The following RNLS variants were observed in gnomAD, a reference collection of about 807,000 sequenced individuals.
RNLS encodes the protein renalase, FAD dependent amine oxidase.
A neutral mutation model predicts 39.8 loss-of-function variants in RNLS; 39 were observed. That is an observed-to-expected ratio of 0.98 (90% CI 0.76 to 1.28). RNLS has a LOEUF of 1.28. RNLS is among the 50% of genes most tolerant of loss of function. The probability of loss-of-function intolerance (pLI) is 0.00; values close to 1 mark genes in which losing one functional copy is unlikely to be tolerated. For missense variants in RNLS, 410 were observed against 413.3 expected (o/e 0.99, Z 0.07); for synonymous variants, 147 against 150.7 (o/e 0.98, Z 0.18).
At chr10:88,506,236 T>C (rs1036920329) in intron 4 of RNLS, among the ~76,000 whole-genome samples, 13 of 152,180 alleles carry the variant, frequency 8.5e-5, no homozygotes, top group African/African-American at 2.6e-4. Flanking sequence ...AAACTTTAGA[T>C]TAAACTAAAA....
At chr10:88,409,370 G>A (rs1363583774) in intron 4 of RNLS, among the ~76,000 whole-genome samples, 5 of 152,066 alleles carry the variant, frequency 3.3e-5, no homozygotes, top group Middle Eastern at 3.2e-3. Flanking sequence ...AAGCACATAC[G>A]CTAATATTAG....
At chr10:88,423,372 G>C (rs1854525134) in intron 4 of RNLS, among the ~76,000 whole-genome samples, 1 of 152,138 alleles carries the variant, frequency 6.6e-6, no homozygotes. Flanking sequence ...TTTATTAATA[G>C]ACACTGTTGT....
At chr10:88,565,013 A>T (rs145246324) in intron 4 of RNLS, among the ~76,000 whole-genome samples, 83 of 152,278 alleles carry the variant, frequency 5.5e-4, no homozygotes, top group Non-Finnish European at 9.6e-4. Flanking sequence ...GAGAATGAGA[A>T]TGAGAAGAAA....
At chr10:88,349,087 G>A (rs375104147) in intron 5 of RNLS, among the ~76,000 whole-genome samples, 2 of 152,276 alleles carry the variant, frequency 1.3e-5, no homozygotes, top group East Asian at 3.9e-4. Flanking sequence ...CTGGCACACA[G>A]AAGGAATTCA....
intron 3 of RNLS, among the ~76,000 whole-genome samples, chr10:88,574,455 A>G (rs1359399639): frequency 1.3e-5 from 2 of 152,168 alleles, no homozygotes; most frequent in African/African-American, 4.8e-5. Context: ...ATATTCTTCA[A>G]CCATCACTGC....
At chr10:88,394,999 C>T (rs1371896229) in intron 4 of RNLS, among the ~76,000 whole-genome samples, 2 of 151,722 alleles carry the variant, frequency 1.3e-5, no homozygotes, top group Non-Finnish European at 2.9e-5. Flanking sequence ...ACAATGAGAA[C>T]ACATGTACAC....
At chr10:88,275,145 G>T in intron 6 of RNLS, 2 of 772,066 alleles carry the variant, frequency 2.6e-6, no homozygotes, top group Non-Finnish European at 2.2e-6. Context: ...TATAGACCTG[G>T]AATGGGGAGG....
intron 6 of RNLS, chr10:88,275,178 T>C (rs528182820): frequency 7.4e-4 from 404 of 548,120 alleles, no homozygotes; most frequent in Non-Finnish European, 2.6e-4. Flanking sequence ...TAGGTGGTCT[T>C]GCTAACTTTT....
intron 4 of RNLS, among the ~76,000 whole-genome samples, chr10:88,485,704 A>G (rs1844461462): frequency 6.6e-6 from 1 of 151,626 alleles, no homozygotes; most frequent in Non-Finnish European, 1.5e-5. Flanking sequence ...TTACTGCTCT[A>G]ATCACAATAT....
At chr10:88,195,300 A>C in the RNLS span, among the ~76,000 whole-genome samples, 1 of 152,216 alleles carries the variant, frequency 6.6e-6, no homozygotes, top group East Asian at 1.9e-4. Context: ...TCTTTTTATA[A>C]GCAAAGCTCA....
At chr10:88,463,290 C>T (rs370890247) in intron 4 of RNLS, among the ~76,000 whole-genome samples, 4 of 151,948 alleles carry the variant, frequency 2.6e-5, no homozygotes, top group African/African-American at 9.7e-5. Flanking sequence ...AAGGAGAATG[C>T]TATGTGAAGA....
chr10:88,448,415 G>T (rs1297116803), intron 4 of RNLS, among the ~76,000 whole-genome samples: 2 of 152,058 alleles, frequency 1.3e-5, no homozygotes, highest in African/African-American at 4.8e-5. Flanking sequence ...ATCATCACTG[G>T]CCATCAGAGA....
chr10:88,226,479 A>C, the RNLS span, among the ~76,000 whole-genome samples: 1 of 152,156 alleles, frequency 6.6e-6, no homozygotes, highest in African/African-American at 2.4e-5. Context: ...TTGGAGAGAG[A>C]TATTTTTTGA....
chr10:88,367,815 C>A (rs1850243528), intron 4 of RNLS, among the ~76,000 whole-genome samples: 1 of 152,080 alleles, frequency 6.6e-6, no homozygotes, highest in Non-Finnish European at 1.5e-5. Context: ...GCTTTTGTCA[C>A]TGCCTGTTCA....
intron 4 of RNLS, among the ~76,000 whole-genome samples, chr10:88,518,560 A>G (rs1416524557): frequency 6.6e-6 from 1 of 152,004 alleles, no homozygotes; most frequent in African/African-American, 2.4e-5. Context: ...CTCTCCCATT[A>G]TACTATGAAC....
intron 4 of RNLS, among the ~76,000 whole-genome samples, chr10:88,365,882 A>T (rs1456154010): frequency 6.6e-6 from 1 of 152,118 alleles, no homozygotes; most frequent in African/African-American, 2.4e-5. Context: ...GTTTCCTCAC[A>T]TAATTTTATT....
intron 4 of RNLS, among the ~76,000 whole-genome samples, chr10:88,541,954 C>T (rs940661153): frequency 3.9e-5 from 6 of 152,068 alleles, no homozygotes; most frequent in African/African-American, 1.4e-4. Flanking sequence ...GAACCCTCCA[C>T]AGCACAGGCC....
At chr10:88,580,360 T>G (rs1197756819) in intron 3 of RNLS, among the ~76,000 whole-genome samples, 1 of 152,206 alleles carries the variant, frequency 6.6e-6, no homozygotes, top group Admixed American at 6.5e-5. Context: ...CTCATGTTGT[T>G]TATTCAATCT....
At chr10:88,351,935 G>A (rs930513237) in intron 5 of RNLS, among the ~76,000 whole-genome samples, 6 of 152,098 alleles carry the variant, frequency 3.9e-5, no homozygotes, top group Non-Finnish European at 7.4e-5. Context: ...TTGTAAGTTG[G>A]CTTCCTAGTA....
Sources: allele counts gnomAD v4.1 joint callset (sites outside exome capture counted in the v4.1 genomes callset), GRCh38; gene constraint gnomAD v4.1.1; transcripts MANE v1.5; gene names NCBI Gene and HGNC (gene_info 2026-07-23, HGNC 2026-07-21).